THSD7A: variants seen among roughly 807,000 people sequenced by gnomAD.
THSD7A encodes thrombospondin type 1 domain containing 7A.
THSD7A carries 96 observed loss-of-function variants against 231.3 expected under a neutral mutation model. The ratio of observed to expected loss-of-function variants is 0.41; its 90% confidence interval spans 0.35 to 0.49. The LOEUF is 0.49. THSD7A is among the 20% of genes least tolerant of loss of function. The pLI is 0.05. For synonymous variants in THSD7A, 940 were observed against 743.3 expected, an observed-to-expected ratio of 1.26 and a Z score of -4.30; for missense variants, 2,290 against 2,070.2, an observed-to-expected ratio of 1.11 and a Z score of -2.06.
At chr7:11,806,820 C>T (rs1036204585) in intron 1 of THSD7A, among the ~76,000 whole-genome samples, 4 of 152,088 alleles carry the variant, frequency 2.6e-5, no homozygotes, top group African/African-American at 9.7e-5. Flanking sequence ...TAGCCCCAAG[C>T]ATTCCCCTCT....
chr7:11,401,468 G>A (rs890146155), intron 23 of THSD7A, among the ~76,000 whole-genome samples: 2 of 152,162 alleles, frequency 1.3e-5, no homozygotes, highest in Non-Finnish European at 2.9e-5. Flanking sequence ...CCAGGCTGGA[G>A]TGCAGTGGTG....
intron 1 of THSD7A, among the ~76,000 whole-genome samples, chr7:11,726,985 G>C (rs1781569350): frequency 6.6e-6 from 1 of 151,950 alleles, no homozygotes; most frequent in Non-Finnish European, 1.5e-5. Flanking sequence ...TGACAAGAGC[G>C]ACGTGATACA....
At chr7:11,545,492 C>T (rs1322840106) in intron 4 of THSD7A, among the ~76,000 whole-genome samples, 3 of 152,240 alleles carry the variant, frequency 2.0e-5, no homozygotes, top group East Asian at 1.9e-4. Flanking sequence ...AGAAGACCTG[C>T]ACCCTCCAAG....
At chr7:11,674,660 C>G (rs1017363896) in intron 1 of THSD7A, among the ~76,000 whole-genome samples, 1 of 152,068 alleles carries the variant, frequency 6.6e-6, no homozygotes, top group Non-Finnish European at 1.5e-5. Context: ...ATCATACTCA[C>G]AAGGGAGACA....
chr7:11,692,481 A>T (rs997305107), intron 1 of THSD7A, among the ~76,000 whole-genome samples: 1 of 151,590 alleles, frequency 6.6e-6, no homozygotes, highest in African/African-American at 2.4e-5. Flanking sequence ...CCGAATTTTA[A>T]AAAATAAAAG....
At chr7:11,466,974 C>G (rs1785733393) in intron 9 of THSD7A, among the ~76,000 whole-genome samples, 1 of 152,052 alleles carries the variant, frequency 6.6e-6, no homozygotes, top group South Asian at 2.1e-4. Flanking sequence ...TCATCATCAC[C>G]CGGACCCACA....
chr7:11,649,892 A>C (rs1042659471), intron 1 of THSD7A, among the ~76,000 whole-genome samples: 2 of 152,056 alleles, frequency 1.3e-5, no homozygotes, highest in Non-Finnish European at 2.9e-5. Flanking sequence ...TATATCATTC[A>C]TATAGTGGAC....
intron 13 of THSD7A, among the ~76,000 whole-genome samples, chr7:11,435,120 T>A (rs1345216951): frequency 1.3e-5 from 2 of 152,018 alleles, no homozygotes; most frequent in Non-Finnish European, 2.9e-5. Context: ...GCTGTGAGGT[T>A]TTGTTATTGT....
chr7:11,745,319 G>A (rs980592807), intron 1 of THSD7A, among the ~76,000 whole-genome samples: 6 of 151,994 alleles, frequency 3.9e-5, no homozygotes, highest in African/African-American at 9.7e-5. Context: ...ATTTGTTTGA[G>A]TTCATTGTGG....
At chr7:11,572,802 T>A (rs560181883) in intron 4 of THSD7A, among the ~76,000 whole-genome samples, 1 of 152,234 alleles carries the variant, frequency 6.6e-6, no homozygotes, top group East Asian at 1.9e-4. Flanking sequence ...TGCTGATTCT[T>A]ATATCTAGGC....
At chr7:11,483,984 T>C (rs922282427) in intron 6 of THSD7A, among the ~76,000 whole-genome samples, 2 of 152,114 alleles carry the variant, frequency 1.3e-5, no homozygotes, top group African/African-American at 2.4e-5. Flanking sequence ...TGACCTTTCT[T>C]CTAAGTTATG....
intron 1 of THSD7A, among the ~76,000 whole-genome samples, chr7:11,769,152 T>TTTTTTTC (rs1783141173): frequency 3.2e-5 from 2 of 62,788 alleles, no homozygotes; most frequent in Non-Finnish European, 3.3e-5. Flanking sequence ...TATATATATA[T>TTTTTTTC]ATTTTTTTTT....
Position 11,373,716 on chromosome 7 carries a change from A to G in THSD7A, c.*2078T>C, listed in dbSNP as rs115782785. 782 of 152,148 alleles carry G rather than the reference A, an allele frequency of 5.1e-3. 8 individuals carry two copies. Among genetic ancestry groups the G allele is most frequent in the African/African-American group, 0.018 (745 of 41,538 alleles). 9.4% of individuals were successfully genotyped at this position (152,148 alleles called of 1,614,324 possible). A position where few individuals can be genotyped will look rare whatever the true frequency, so the allele number is the denominator to read the frequency against. Reference sequence around the variant, plus strand: ...CTGATGTCTTTTGTAATCTTTGCAAATACTCTAATGAACAGCAGGGGGAGT... The same window carrying G: ...CTGATGTCTTTTGTAATCTTTGCAAGTACTCTAATGAACAGCAGGGGGAGT... On this transcript the variant is annotated 3_prime_UTR_variant, in exon 28 of 28. Transcript: ENST00000423059.
chr7:11,687,809 T>C (rs903071204), intron 1 of THSD7A, among the ~76,000 whole-genome samples: 1 of 151,928 alleles, frequency 6.6e-6, no homozygotes, highest in Admixed American at 6.6e-5. Context: ...AACCATTATG[T>C]AGCTCAGCGG....
intron 6 of THSD7A, among the ~76,000 whole-genome samples, chr7:11,490,588 C>T (rs1786848179): frequency 1.3e-5 from 2 of 152,006 alleles, no homozygotes; most frequent in Non-Finnish European, 2.9e-5. Flanking sequence ...TAATCAAATG[C>T]ACATGTATTT....
intron 1 of THSD7A, among the ~76,000 whole-genome samples, chr7:11,681,741 C>T (rs892479633): frequency 6.6e-6 from 1 of 151,508 alleles, no homozygotes; most frequent in African/African-American, 2.4e-5. Flanking sequence ...TGTTGACATG[C>T]GAGTACAAGA....
At chr7:11,631,689 T>C (rs147899214) in intron 2 of THSD7A, among the ~76,000 whole-genome samples, 2,092 of 152,194 alleles carry the variant, frequency 0.014, 35 homozygotes, top group Non-Finnish European at 0.023. Context: ...AAACAAAAAA[T>C]CCTTATCGTG....
chr7:11,787,254 A>T (rs1783820998), intron 1 of THSD7A, among the ~76,000 whole-genome samples: 1 of 144,346 alleles, frequency 6.9e-6, no homozygotes. Context: ...TCTTCACAAA[A>T]ATTAACTCAA....
At chr7:11,534,237 T>C (rs574662740) in intron 6 of THSD7A, among the ~76,000 whole-genome samples, 1 of 152,322 alleles carries the variant, frequency 6.6e-6, no homozygotes, top group South Asian at 2.1e-4. Context: ...TTTGCCATAA[T>C]TCTTTGCAAT....
Sources: allele counts gnomAD v4.1 joint callset (sites outside exome capture counted in the v4.1 genomes callset), GRCh38; gene constraint gnomAD v4.1.1; transcripts MANE v1.5; gene names NCBI Gene and HGNC (gene_info 2026-07-23, HGNC 2026-07-21).